Variants in RPL13 observed in about 807,000 individuals in gnomAD.
RPL13 encodes ribosomal protein L13.
RPL13 carries 1 observed loss-of-function variant against 21.4 expected under a neutral mutation model. The ratio of observed to expected loss-of-function variants is 0.05; its 90% CI spans 0.02 to 0.22. RPL13 has a LOEUF of 0.22. Among genes scored for constraint, RPL13 ranks in the 10% least tolerant of loss-of-function variants. RPL13 has a pLI of 1.00. For missense variants in RPL13, 289 were observed against 303.0 expected, an observed-to-expected ratio of 0.95 and a Z score of 0.34; for synonymous variants, 143 against 120.5, an observed-to-expected ratio of 1.19 and a Z score of -1.23.
intron 1 of RPL13, 92 bp from the exon 2 acceptor site, chr16:89,560,848 G>T: frequency 2.4e-6 from 2 of 826,742 alleles, no homozygotes; most frequent in South Asian, 4.0e-5. Flanking sequence ...AGGCGCGGCC[G>T]GACGGCCCAG....
intron 4 of RPL13, 37 bp from the exon 5 acceptor site, chr16:89,562,298 C>G (rs1486783730): frequency 2.5e-6 from 4 of 1,605,514 alleles, no homozygotes; most frequent in Non-Finnish European, 3.4e-6. Context: ...TGCAGCAGTG[C>G]GGCCAACCCC....
chr16:89,561,297 G>T lies in RPL13; in HGVS notation c.175G>T (p.Val59Leu). ...CGCGTCGGGTCCCATCCGGCCCATCGTGCGCTGCCCCACGGTTCGGTACCA... is the reference window on the plus strand; with the variant it reads ...CGCGTCGGGTCCCATCCGGCCCATCTTGCGCTGCCCCACGGTTCGGTACCA... ...RPASGPIRPI[V>L]RCPTVRYHTK... The change falls in exon 3 of 6, where the codon GTG becomes TTG. Residue 59 changes from valine to leucine, a missense_variant. Physicochemically the swap from Val to Leu is conservative, Grantham distance 32. Transcript: ENST00000311528. The T allele has an allele frequency of 1.9e-6, 3 of 1,574,306 alleles. No homozygotes were observed. Among genetic ancestry groups the T allele is most frequent in the Admixed American group, 3.6e-5 (2 of 54,972 alleles).
In RPL13 at chr16:89,563,967, C is replaced by CAG. The variant is rs956738571; in HGVS notation, c.*932_*933dup. Reference sequence around the variant, plus strand: ...TCTTGCTTCATGGACAAGAGGCAGCCAGAGAGAGTGCCAGGGTGCCCTGGT... The same window carrying CAG: ...TCTTGCTTCATGGACAAGAGGCAGCCAGAGAGAGAGTGCCAGGGTGCCCTGGT... On this transcript the variant is annotated 3_prime_UTR_variant, in exon 6 of 6. Coordinates refer to ENST00000311528, the MANE Select transcript of RPL13 (RefSeq NM_000977.4). 6.6e-6 allele frequency: 1 copy of CAG among 152,224 alleles called. No individual in the cohort carries two copies. The highest frequency in any genetic ancestry group is 1.5e-5 in the Non-Finnish European group (1 of 68,054). 9.4% of individuals were successfully genotyped at this position (152,224 alleles called of 1,614,324 possible). A position where few individuals can be genotyped will look rare whatever the true frequency, so the allele number is the denominator to read the frequency against.
downstream of RPL13, chr16:89,566,692 A>C (rs1350596328): frequency 6.6e-6 from 1 of 152,012 alleles, no homozygotes; most frequent in African/African-American, 2.4e-5. Context: ...ACTATTATGC[A>C]GTAGTTTCGA....
intron 3 of RPL13, 33 bp downstream of exon 3, chr16:89,561,401 G>A: frequency 1.2e-6 from 2 of 1,611,790 alleles, no homozygotes; most frequent in South Asian, 1.1e-5. Flanking sequence ...TGTCAGGAAG[G>A]CCCCGAAGTC....
downstream of RPL13, chr16:89,564,723 G>C (rs1463471868): frequency 6.6e-6 from 1 of 152,408 alleles, no homozygotes; most frequent in Non-Finnish European, 1.5e-5. Flanking sequence ...ACGTGAGAGG[G>C]CCTGAAGATT....
rs771960264 is a variant in RPL13, at chr16:89,563,076, C to G, written c.*34C>G. 2 of 1,465,194 alleles carry G rather than the reference C, an allele frequency of 1.4e-6. No homozygotes were observed. The highest frequency in any genetic ancestry group is 1.8e-6 in the Non-Finnish European group (2 of 1,103,544). The allele number at this position is 1,465,194 out of a possible 1,614,324, so 90.8% of individuals were successfully genotyped here. ...TGGGGACTTGGAATCAGTCGGCAGTCATGCTGGGTCTCCACGTGGTGTGTT... is the reference window on the plus strand; with the variant it reads ...TGGGGACTTGGAATCAGTCGGCAGTGATGCTGGGTCTCCACGTGGTGTGTT... On this transcript the variant is annotated 3_prime_UTR_variant, in exon 6 of 6. Coordinates refer to ENST00000311528, the MANE Select transcript of RPL13 (RefSeq NM_000977.4).
At chr16:89,566,250 G>A (rs1357016627), downstream of RPL13, 2 of 151,848 alleles carry the variant, frequency 1.3e-5, no homozygotes, top group African/African-American at 4.8e-5. Context: ...GTGCCCCGGT[G>A]ATCGGGGATA....
At chr16:89,562,148 C>G (rs755313402) in intron 4 of RPL13, 187 bp from the exon 5 acceptor site, 5 of 642,114 alleles carry the variant, frequency 7.8e-6, no homozygotes, top group South Asian at 3.6e-5. Flanking sequence ...TGCGTCAACT[C>G]AGTAAGATAT....
At chr16:89,564,954 C>A (rs983771862), downstream of RPL13, 4 of 152,292 alleles carry the variant, frequency 2.6e-5, no homozygotes, top group African/African-American at 9.7e-5. Context: ...TACTGTGGGA[C>A]AAAAGCACTC....
chr16:89,561,045 C>T lies in RPL13; in HGVS notation c.86C>T (p.Pro29Leu). ...CGCGTGGCCACGTGGTTCAACCAGC[C>T]GGCCCGTAAGATCCGCAGGTGAGCC... Reference protein sequence around the residue: ...QRRVATWFNQPARKIRRRKAR... With the variant: ...QRRVATWFNQLARKIRRRKAR... Residue 29 changes from proline (P) to leucine (L), a missense_variant, in exon 2 of 6, where the codon CCG (proline) becomes CTG (leucine). Coordinates refer to ENST00000311528, the MANE Select transcript of RPL13 (RefSeq NM_000977.4). 6.2e-7 allele frequency: 1 copy of T among 1,606,724 alleles called. No homozygotes were observed. The highest frequency in any genetic ancestry group is 8.5e-7 in the Non-Finnish European group (1 of 1,178,016).
chr16:89,561,988 A>C (rs1470568264), intron 4 of RPL13: 12 of 597,052 alleles, frequency 2.0e-5, no homozygotes, highest in Non-Finnish European at 3.5e-5. Context: ...CTCTCCCTAA[A>C]ATGCTTCGTA....
At chr16:89,560,887 G>C in intron 1 of RPL13, 53 bp from the exon 2 acceptor site, 1 of 1,377,334 alleles carries the variant, frequency 7.3e-7, no homozygotes. Flanking sequence ...GAGGCCCGGG[G>C]GGGTGCGCGC....
At chr16:89,562,118 G>C (rs1029023855) in intron 4 of RPL13, 1 of 609,688 alleles carries the variant, frequency 1.6e-6, no homozygotes, top group African/African-American at 1.9e-5. Flanking sequence ...TTCACAGGTA[G>C]ATAACTGTCT....
rs2058762978 is a variant in RPL13 at position 89,563,765 on chromosome 16, T to C, written c.*723T>C. On this transcript the variant is annotated 3_prime_UTR_variant, in exon 6 of 6. Coordinates refer to ENST00000311528, the MANE Select transcript of RPL13 (RefSeq NM_000977.4). ...TTTAAGCAAAGCAGTTTCTAGTTAATGTAGCATCTTGGACTTTGGGGCGTC... is the reference window on the plus strand; with the variant it reads ...TTTAAGCAAAGCAGTTTCTAGTTAACGTAGCATCTTGGACTTTGGGGCGTC... The C allele has an allele frequency of 6.6e-6, 1 of 152,184 alleles. No individual in the cohort carries two copies. Among genetic ancestry groups the C allele is most frequent in the Non-Finnish European group, 1.5e-5 (1 of 68,046 alleles). The allele number at this position is 152,184 out of a possible 1,614,324, so 9.4% of individuals were successfully genotyped here. A position where few individuals can be genotyped will look rare whatever the true frequency, so the allele number is the denominator to read the frequency against.
At chr16:89,562,064 CG>C (rs1012528724) in intron 4 of RPL13, 5 of 586,354 alleles carry the variant, frequency 8.5e-6, no homozygotes, top group Admixed American at 6.8e-5. Flanking sequence ...TATACGTTTC[CG>C]GGTAGTTAAA....
At chr16:89,565,004 G>C (rs2058773841), downstream of RPL13, 1 of 152,306 alleles carries the variant, frequency 6.6e-6, no homozygotes, top group South Asian at 2.1e-4. Context: ...CAGCCGACTT[G>C]ACGGGAAGTC....
chr16:89,563,060 G>T lies in RPL13; in HGVS notation c.*18G>T, dbSNP rs186477476. ...AAAAATAAAGCCCTCCTGGGGACTT[G>T]GAATCAGTCGGCAGTCATGCTGGGT... On this transcript the variant is annotated 3_prime_UTR_variant, in exon 6 of 6. Transcript: ENST00000311528. 1.7e-3 allele frequency: 2,587 copies of T among 1,487,452 alleles called. 19 individuals are homozygous for T. The highest frequency in any genetic ancestry group is 0.014 in the East Asian group (549 of 39,674). The allele number at this position is 1,487,452 out of a possible 1,614,324, so 92.1% of individuals were successfully genotyped here. A position where few individuals can be genotyped will look rare whatever the true frequency, so the allele number is the denominator to read the frequency against.
chr16:89,560,917 A>T, intron 1 of RPL13, 23 bp from the exon 2 acceptor site: 1 of 1,546,352 alleles, frequency 6.5e-7, no homozygotes, highest in Non-Finnish European at 8.7e-7. Flanking sequence ...CCGGCCTCTC[A>T]CTCGCTCCCC....
Sources: allele counts gnomAD v4.1 joint callset, GRCh38; gene constraint gnomAD v4.1.1; transcripts MANE v1.5; gene names NCBI Gene and HGNC (gene_info 2026-07-23, HGNC 2026-07-21).